The following CSMD1 variants were observed in gnomAD, a reference collection of about 807,000 sequenced individuals.
CSMD1 encodes CUB and sushi domain-containing protein 1.
A neutral mutation model predicts 417.5 loss-of-function variants in CSMD1; 213 were observed. The observed-to-expected ratio is 0.51, with a 90% CI of 0.46 to 0.57. CSMD1 has a LOEUF of 0.57. Among genes scored for constraint, CSMD1 ranks in the 20% least tolerant of loss-of-function variants. The pLI, the probability that CSMD1 is intolerant of heterozygous loss-of-function variation, is 0.00. For synonymous variants in CSMD1, 2,862 were observed against 1,736.8 expected (o/e 1.65, Z -16.11); for missense variants, 6,923 against 4,529.7 (o/e 1.53, Z -15.17).
chr8:4,236,026 G>GCTTTTTTTTTTTTTTTTTTTTTTT (rs1420352173), intron 3 of CSMD1, among the ~76,000 whole-genome samples: 3 of 108,130 alleles, frequency 2.8e-5, no homozygotes, highest in Admixed American at 1.1e-4. Flanking sequence ...AATGGATATT[G>GCTTTTTTTTTTTTTTTTTTTTTTT]TTTTTTTTGT....
chr8:3,868,597 C>T (rs1003837243), intron 5 of CSMD1, among the ~76,000 whole-genome samples: 10 of 152,138 alleles, frequency 6.6e-5, no homozygotes, highest in African/African-American at 1.2e-4. Flanking sequence ...ACTCAGCTCA[C>T]GCAATAGGAC....
At chr8:3,297,773 A>G (rs1280583887) in intron 25 of CSMD1, among the ~76,000 whole-genome samples, 1 of 152,212 alleles carries the variant, frequency 6.6e-6, no homozygotes, top group African/African-American at 2.4e-5. Flanking sequence ...CAAAATCACT[A>G]AAGCCAACCT....
intron 3 of CSMD1, among the ~76,000 whole-genome samples, chr8:4,079,228 A>G (rs1585267605): frequency 6.6e-6 from 1 of 152,172 alleles, no homozygotes; most frequent in African/African-American, 2.4e-5. Flanking sequence ...GTGGGAAACA[A>G]CTGAATGAGT....
intron 3 of CSMD1, among the ~76,000 whole-genome samples, chr8:4,405,757 A>G (rs368355418): frequency 6.6e-6 from 1 of 152,202 alleles, no homozygotes; most frequent in African/African-American, 2.4e-5. Flanking sequence ...GACACCCCAG[A>G]AACAGTTTAA....
At position 4,120,398 on chromosome 8, in the gene CSMD1, T is replaced by C. The variant is rs372594080; in HGVS notation, c.416-88299A>G. ...GACTAATGCCAACATGCTGACCGTA[T>C]GCCCATCCAATTGTTTGTTGAGTTT... On this transcript the variant is annotated intron_variant, in intron 3 of 69. Transcript: ENST00000635120. 9.8e-5 allele frequency among the ~76,000 whole-genome samples: 15 copies of C among 152,330 alleles called. No individual in the cohort carries two copies. In the East Asian group the frequency reaches 1.9e-3, roughly 20 times the overall value.
At chr8:4,208,146 C>G (rs922490557) in intron 3 of CSMD1, among the ~76,000 whole-genome samples, 8 of 152,018 alleles carry the variant, frequency 5.3e-5, no homozygotes, top group Non-Finnish European at 7.4e-5. Context: ...TAAAACATAT[C>G]CAAACATATT....
At chr8:4,057,356 C>T (rs1408874238) in intron 3 of CSMD1, among the ~76,000 whole-genome samples, 3 of 151,880 alleles carry the variant, frequency 2.0e-5, no homozygotes, top group Non-Finnish European at 4.4e-5. Flanking sequence ...TGTTCATGTC[C>T]TTCGCCTACT....
chr8:4,264,852 G>A (rs186208561), intron 3 of CSMD1, among the ~76,000 whole-genome samples: 81 of 152,274 alleles, frequency 5.3e-4, no homozygotes, highest in Non-Finnish European at 9.8e-4. Context: ...AATCCTAGAT[G>A]AGTAAATTAA....
intron 2 of CSMD1, among the ~76,000 whole-genome samples, chr8:4,427,422 T>C (rs1371661475): frequency 6.6e-6 from 1 of 151,906 alleles, no homozygotes; most frequent in Non-Finnish European, 1.5e-5. Flanking sequence ...AGAACTCTCT[T>C]GGACTTAGAT....
chr8:3,533,783 C>G (rs1223553560), intron 10 of CSMD1, among the ~76,000 whole-genome samples: 1 of 152,154 alleles, frequency 6.6e-6, no homozygotes, highest in Non-Finnish European at 1.5e-5. Flanking sequence ...ACTCTTGTAA[C>G]TATCACAAAA....
chr8:4,699,654 G>T (rs147381301), intron 1 of CSMD1, among the ~76,000 whole-genome samples: 1 of 152,078 alleles, frequency 6.6e-6, no homozygotes, highest in South Asian at 2.1e-4. Context: ...TAAAAATTTA[G>T]AACATTTTAA....
At chr8:4,481,962 C>G (rs1271797841) in intron 2 of CSMD1, among the ~76,000 whole-genome samples, 1 of 152,246 alleles carries the variant, frequency 6.6e-6, no homozygotes, top group East Asian at 1.9e-4. Flanking sequence ...ATCCATTACT[C>G]TTAGCTGCTA....
At chr8:3,875,702 G>A (rs1000565425) in intron 5 of CSMD1, among the ~76,000 whole-genome samples, 1 of 152,282 alleles carries the variant, frequency 6.6e-6, no homozygotes, top group East Asian at 1.9e-4. Context: ...TAGGGAGGGG[G>A]CAGAATCTTC....
At chr8:2,990,422 G>T (rs753128419) in intron 54 of CSMD1, among the ~76,000 whole-genome samples, 2 of 152,134 alleles carry the variant, frequency 1.3e-5, no homozygotes, top group African/African-American at 4.8e-5. Context: ...ATTCAGCTCC[G>T]GTTGACACAT....
intron 10 of CSMD1, among the ~76,000 whole-genome samples, chr8:3,551,925 G>A (rs1798932812): frequency 6.6e-6 from 1 of 152,134 alleles, no homozygotes; most frequent in South Asian, 2.1e-4. Flanking sequence ...GTCCAGACGT[G>A]GTTTTAGCTA....
intron 39 of CSMD1, among the ~76,000 whole-genome samples, chr8:3,156,105 A>T (rs1819512128): frequency 6.6e-6 from 1 of 152,220 alleles, no homozygotes; most frequent in Non-Finnish European, 1.5e-5. Flanking sequence ...ACAGAATGTG[A>T]ATAGCTCCCA....
intron 5 of CSMD1, among the ~76,000 whole-genome samples, chr8:3,914,699 T>C (rs929946617): frequency 1.4e-4 from 22 of 152,160 alleles, no homozygotes; most frequent in Admixed American, 1.2e-3. Context: ...AGTTGAAAGA[T>C]GTCTTTATTT....
intron 55 of CSMD1, among the ~76,000 whole-genome samples, chr8:2,975,223 C>T (rs1356043263): frequency 1.3e-5 from 2 of 152,150 alleles, no homozygotes; most frequent in Non-Finnish European, 2.9e-5. Flanking sequence ...TATTTCCCTT[C>T]ATTTCCTTAA....
At chr8:4,552,501 T>C (rs958302174) in intron 2 of CSMD1, among the ~76,000 whole-genome samples, 1 of 152,120 alleles carries the variant, frequency 6.6e-6, no homozygotes, top group Non-Finnish European at 1.5e-5. Flanking sequence ...TCTGCCCAGA[T>C]ATATGCAGAA....
Sources: allele counts gnomAD v4.1 joint callset (sites outside exome capture counted in the v4.1 genomes callset), GRCh38; gene constraint gnomAD v4.1.1; transcripts MANE v1.5; gene names NCBI Gene and HGNC (gene_info 2026-07-23, HGNC 2026-07-21).